Variants in ADAMTSL3 observed in about 807,000 individuals in gnomAD.
The protein encoded by ADAMTSL3 is ADAMTS-like protein 3.
Under a neutral mutation model 201.7 loss-of-function variants are expected in ADAMTSL3, and 128 were observed. The observed-to-expected ratio is 0.63, with a 90% CI of 0.55 to 0.73. ADAMTSL3 has a LOEUF of 0.73. Among genes scored for constraint, ADAMTSL3 ranks in the 30% least tolerant of loss-of-function variants. The probability of loss-of-function intolerance (pLI) is 0.00; values close to 1 mark genes in which losing one functional copy is unlikely to be tolerated. For synonymous variants in ADAMTSL3, 738 were observed against 748.4 expected (o/e 0.99, Z 0.23); for missense variants, 1,990 against 2,119.6 (o/e 0.94, Z 1.20).
chr15:83,808,252 A>T (rs1436322872), intron 5 of ADAMTSL3, among the ~76,000 whole-genome samples: 4 of 152,188 alleles, frequency 2.6e-5, no homozygotes, highest in Admixed American at 1.3e-4. Flanking sequence ...AATATTTAGA[A>T]TATATAAGGA....
Position 83,875,082 on chromosome 15 carries a change from G to T in ADAMTSL3, c.960+4123G>T, listed in dbSNP as rs1401414209. Among the ~76,000 whole-genome samples the T allele has an allele frequency of 9.1e-5, 10 of 109,646 alleles. 3 individuals carry two copies. In the East Asian group the frequency reaches 4.4e-3, roughly 48 times the overall value. 71.9% of individuals were successfully genotyped at this position (109,646 alleles called of 152,430 possible). On this transcript the variant is annotated intron_variant, in intron 9 of 29. Transcript: ENST00000286744. Reference sequence around the variant, plus strand: ...ATCAAATGCCAAGGCAGGATGAGAAGTGAAAGAAATTTATTCAGGAAATGC... The same window carrying T: ...ATCAAATGCCAAGGCAGGATGAGAATTGAAAGAAATTTATTCAGGAAATGC...
chr15:83,906,876 C>T (rs953177715), intron 15 of ADAMTSL3, among the ~76,000 whole-genome samples: 5 of 151,302 alleles, frequency 3.3e-5, no homozygotes, highest in African/African-American at 1.2e-4. Flanking sequence ...TTTGTTTATT[C>T]TTTTACTTTT....
intron 7 of ADAMTSL3, among the ~76,000 whole-genome samples, chr15:83,843,096 A>G (rs1050081673): frequency 2.6e-5 from 4 of 152,142 alleles, no homozygotes; most frequent in Admixed American, 2.0e-4. Context: ...TATGCTTTTG[A>G]GAATCTATTA....
rs192035855 is a variant in ADAMTSL3 at position 83,940,871 on chromosome 15, C to A, written c.2118-1725C>A. 3.6e-4 allele frequency among the ~76,000 whole-genome samples: 55 copies of A among 151,996 alleles called. 2 individuals are homozygous for A. In the East Asian group the frequency reaches 6.8e-3, roughly 19 times the overall value. ...ACATTTAAGATAATATGGGAATTCA[C>A]CTGTTTCTTGAAAATTTGTAGGACT... On this transcript the variant is annotated intron_variant, in intron 17 of 29. Transcript: ENST00000286744.
chr15:83,833,930 T>C (rs2064210339), intron 6 of ADAMTSL3, among the ~76,000 whole-genome samples: 1 of 152,204 alleles, frequency 6.6e-6, no homozygotes. Context: ...GAAAACTGGA[T>C]TTTAATGTGA....
At chr15:83,855,008 G>C (rs1202265016) in intron 7 of ADAMTSL3, among the ~76,000 whole-genome samples, 2 of 152,076 alleles carry the variant, frequency 1.3e-5, no homozygotes, top group African/African-American at 2.4e-5. Context: ...ATGGAGAGTT[G>C]GTTATTTTTA....
chr15:83,890,119 C>G lies in ADAMTSL3; in HGVS notation c.1083C>G (p.Leu361=). Residue 361 remains leucine, a synonymous_variant, in exon 11 of 30, where the codon CTC becomes CTG. Coordinates refer to ENST00000286744, the MANE Select transcript of ADAMTSL3 (RefSeq NM_207517.3). ...CTVTCGGGYQ[L]NSAECVDIRL... is the part of the protein sequence containing the mutation. The stretch of plus-strand genomic sequence containing the variant: ...TTTCTAACACTTTAGGTTATCAGCT[C>G]AATTCTGCTGAATGTGTGGATATCC... 1 of 1,612,990 alleles carries G rather than the reference C, an allele frequency of 6.2e-7. No homozygotes were observed. The highest frequency in any genetic ancestry group is 1.1e-5 in the South Asian group (1 of 90,804).
intron 20 of ADAMTSL3, among the ~76,000 whole-genome samples, chr15:83,972,525 G>A (rs1467333395): frequency 6.6e-6 from 1 of 152,106 alleles, no homozygotes; most frequent in African/African-American, 2.4e-5. Context: ...TAACAGAATA[G>A]CATGTGGAAA....
At chr15:83,795,583 AC>A (rs1466297758) in intron 4 of ADAMTSL3, among the ~76,000 whole-genome samples, 1 of 152,158 alleles carries the variant, frequency 6.6e-6, no homozygotes, top group East Asian at 1.9e-4. Flanking sequence ...ATGTCCACAC[AC>A]CAGCATAGGG....
intron 27 of ADAMTSL3, among the ~76,000 whole-genome samples, chr15:84,029,463 G>A (rs970589227): frequency 2.0e-5 from 3 of 152,192 alleles, no homozygotes; most frequent in Non-Finnish European, 4.4e-5. Context: ...GTATCTGGTA[G>A]AAGAAATTTC....
intron 7 of ADAMTSL3, among the ~76,000 whole-genome samples, chr15:83,856,586 C>T (rs1313024957): frequency 1.3e-5 from 2 of 152,054 alleles, no homozygotes; most frequent in African/African-American, 4.8e-5. Flanking sequence ...CCAAGGATCA[C>T]GAATTTTTTC....
At chr15:84,017,277 C>G (rs989367432) in intron 25 of ADAMTSL3, among the ~76,000 whole-genome samples, 3 of 152,098 alleles carry the variant, frequency 2.0e-5, no homozygotes, top group Non-Finnish European at 4.4e-5. Flanking sequence ...GCCACCACGC[C>G]CGGCTAATTT....
At chr15:83,847,058 G>C (rs769365724) in intron 7 of ADAMTSL3, among the ~76,000 whole-genome samples, 84 of 152,184 alleles carry the variant, frequency 5.5e-4, no homozygotes, top group Non-Finnish European at 2.5e-4. Flanking sequence ...CAGGTTGGGA[G>C]CAGATGTTTC....
chr15:83,931,819 T>A (rs2066363819), intron 17 of ADAMTSL3, among the ~76,000 whole-genome samples: 1 of 152,126 alleles, frequency 6.6e-6, no homozygotes, highest in Non-Finnish European at 1.5e-5. Context: ...TTGTAGCAAA[T>A]GACAGTTCAG....
At chr15:83,722,924 A>G (rs1258490889) in intron 3 of ADAMTSL3, among the ~76,000 whole-genome samples, 3 of 152,156 alleles carry the variant, frequency 2.0e-5, no homozygotes, top group Non-Finnish European at 2.9e-5. Flanking sequence ...CATGAAAGTA[A>G]ATACTTCCAA....
intron 19 of ADAMTSL3, among the ~76,000 whole-genome samples, chr15:83,969,183 C>T (rs535028501): frequency 8.5e-5 from 13 of 152,252 alleles, no homozygotes; most frequent in Non-Finnish European, 5.9e-5. Context: ...TGGCTTCTCA[C>T]GCCTATAATC....
intron 8 of ADAMTSL3, among the ~76,000 whole-genome samples, chr15:83,867,837 G>C (rs2065007851): frequency 6.6e-6 from 1 of 152,100 alleles, no homozygotes; most frequent in Non-Finnish European, 1.5e-5. Context: ...TCTCAGTGCA[G>C]ATCCTTCAAC....
At chr15:83,835,030 C>T (rs1033356961) in intron 6 of ADAMTSL3, among the ~76,000 whole-genome samples, 3 of 151,960 alleles carry the variant, frequency 2.0e-5, no homozygotes, top group Admixed American at 6.6e-5. Context: ...ATCAGGAGAT[C>T]GAGACCATCC....
intron 3 of ADAMTSL3, among the ~76,000 whole-genome samples, chr15:83,732,495 A>G (rs1473342322): frequency 1.3e-5 from 2 of 152,118 alleles, no homozygotes; most frequent in Non-Finnish European, 2.9e-5. Flanking sequence ...TATTCCTTAA[A>G]ATTTTGATTT....
Sources: gnomAD v4.1 joint callset for allele counts (sites outside exome capture counted in the v4.1 genomes callset) on GRCh38, gnomAD v4.1.1 for gene constraint, MANE v1.5 for transcripts, NCBI Gene and HGNC (gene_info 2026-07-23, HGNC 2026-07-21) for gene names.